Variants in GALC observed in about 807,000 individuals in gnomAD.
The protein encoded by GALC is galactosylceramidase, also known as galactocerebrosidase.
In GALC, 77 loss-of-function variants were observed where a neutral mutation model predicts 91.8. That is an observed-to-expected ratio of 0.84 (90% CI 0.70 to 1.01). The LOEUF (loss-of-function observed/expected upper bound fraction) is 1.01, where lower values mean the gene tolerates loss of function less well. Among genes scored for constraint, GALC ranks in the 50% least tolerant of loss-of-function variants. The pLI is 0.00. For synonymous variants in GALC, 357 were observed against 306.7 expected (o/e 1.16, Z -1.71); for missense variants, 882 against 855.9 (o/e 1.03, Z -0.38).
chr14:87,979,545 T>A (rs1165812954), intron 6 of GALC, among the ~76,000 whole-genome samples: 1 of 152,204 alleles, frequency 6.6e-6, no homozygotes, highest in South Asian at 2.1e-4. Flanking sequence ...TGAATTAGAA[T>A]GCACTGGAGT....
chr14:87,972,047 G>A (rs866420436), intron 7 of GALC, among the ~76,000 whole-genome samples: 41 of 152,168 alleles, frequency 2.7e-4, no homozygotes, highest in Middle Eastern at 3.4e-3. Context: ...GAATGAGGCA[G>A]GGAGGAATAG....
At chr14:87,987,004 C>T (rs1887003051) in intron 3 of GALC, 1 of 452,072 alleles carries the variant, frequency 2.2e-6, no homozygotes, top group Admixed American at 2.4e-5. Context: ...GATATGAATC[C>T]CTGGACTCGT....
chr14:87,980,429 G>A (rs1321997252), intron 6 of GALC: 6 of 767,768 alleles, frequency 7.8e-6, no homozygotes, highest in Non-Finnish European at 9.5e-6. Flanking sequence ...GCTTACTGAT[G>A]GGGGTCAGTG....
chr14:87,949,977 C>T (rs1472864071), intron 11 of GALC, 46 bp from the exon 12 acceptor site: 1 of 950,054 alleles, frequency 1.1e-6, no homozygotes, highest in East Asian at 2.4e-5. Flanking sequence ...TTCATCACAT[C>T]CTCTTTGAGG....
chr14:87,992,529 C>CA, intron 1 of GALC: 1 of 1,528,328 alleles, frequency 6.5e-7, no homozygotes, highest in Non-Finnish European at 8.7e-7. Context: ...AAGGGAGAGA[C>CA]ACAGCCAAAG....
chr14:87,955,000 A>G, intron 10 of GALC: 2 of 1,391,078 alleles, frequency 1.4e-6, no homozygotes, highest in Non-Finnish European at 2.0e-6. Context: ...CAACAGAGTG[A>G]TAGTTACTTC....
rs774769711 is a variant in GALC, at chr14:87,941,370, A to AT, written c.1834+24dup. ...TAACATAGCCCATAAGTCATATGCT[A>AT]TTAAAAAAAAAAAAAGTCAGTTACC... is the stretch of plus-strand genomic sequence containing the variant. On this transcript the variant is annotated intron_variant, in intron 15 of 16. Coordinates refer to ENST00000261304, the MANE Select transcript of GALC (RefSeq NM_000153.4). 4.0e-6 allele frequency: 5 copies of AT among 1,263,086 alleles called. No homozygotes were observed. The African/African-American group carries it at 4.5e-5, about 11-fold the overall frequency. 78.2% of individuals were successfully genotyped at this position (1,263,086 alleles called of 1,614,324 possible).
chr14:87,980,622 A>C lies in GALC; in HGVS notation c.621+1583T>G, dbSNP rs1385569284. 1.7e-5 allele frequency: 6 copies of C among 349,724 alleles called. No individual in the cohort carries two copies. The Admixed American group carries it at 3.9e-4, about 23-fold the overall frequency. 21.7% of individuals were successfully genotyped at this position (349,724 alleles called of 1,614,324 possible). On this transcript the variant is annotated intron_variant, in intron 6 of 16. Transcript: ENST00000261304. ...ATCACCTCCTCTAAAAGACTTCCCT[A>C]ATCAACCCAGGGAGAGGTGTCATCT...
chr14:87,975,562 G>A (rs1158461447), intron 7 of GALC, among the ~76,000 whole-genome samples: 1 of 152,058 alleles, frequency 6.6e-6, no homozygotes, highest in Non-Finnish European at 1.5e-5. Context: ...AAAGGAAGAG[G>A]AGTAGATAGA....
chr14:87,991,437 C>T (rs1041175037), intron 1 of GALC, among the ~76,000 whole-genome samples: 2 of 152,180 alleles, frequency 1.3e-5, no homozygotes. Context: ...CTCCTGACCT[C>T]GTGATCCGCC....
At chr14:87,953,318 C>T (rs1885387651) in intron 10 of GALC, 3 of 1,452,848 alleles carry the variant, frequency 2.1e-6, no homozygotes, top group African/African-American at 2.8e-5. Flanking sequence ...GAGACTGAAC[C>T]AAAGGCAAGT....
intron 6 of GALC, among the ~76,000 whole-genome samples, chr14:87,980,306 C>T (rs1178079369): frequency 6.6e-6 from 1 of 150,658 alleles, no homozygotes; most frequent in East Asian, 2.0e-4. Context: ...TGCTTAAATC[C>T]GGGAGGCAGA....
chr14:87,965,394 C>T, intron 9 of GALC, 111 bp downstream of exon 9: 1 of 1,216,394 alleles, frequency 8.2e-7, no homozygotes, highest in South Asian at 1.2e-5. Context: ...AAACTTAAAT[C>T]TATACTTAAA....
At chr14:87,965,694 C>T in intron 8 of GALC, 65 bp from the exon 9 acceptor site, 1 of 1,549,714 alleles carries the variant, frequency 6.5e-7, no homozygotes, top group Non-Finnish European at 8.9e-7. Context: ...TGTCTAAAAA[C>T]CTGGAGTAAA....
At chr14:87,970,262 C>T (rs1020804779) in intron 7 of GALC, among the ~76,000 whole-genome samples, 2 of 151,778 alleles carry the variant, frequency 1.3e-5, no homozygotes, top group African/African-American at 2.4e-5. Context: ...AAATATATTT[C>T]TATATTAAAG....
chr14:87,934,300 C>T lies in GALC; in HGVS notation c.*432G>A. 1 of 1,288,888 alleles carries T rather than the reference C, an allele frequency of 7.8e-7. No homozygotes were observed. 79.8% of individuals were successfully genotyped at this position (1,288,888 alleles called of 1,614,324 possible). A position where few individuals can be genotyped will look rare whatever the true frequency, so the allele number is the denominator to read the frequency against. On this transcript the variant is annotated 3_prime_UTR_variant, in exon 17 of 17. Transcript: ENST00000261304. ...CTTCAGCTTTCTATTATGGCAGCAT[C>T]ATCTTGTGATGAAGACACTGGCTCA... is the stretch of plus-strand genomic sequence containing the variant.
chr14:87,951,372 C>A (rs1166461695), intron 10 of GALC, among the ~76,000 whole-genome samples: 2 of 151,840 alleles, frequency 1.3e-5, no homozygotes, highest in Non-Finnish European at 2.9e-5. Context: ...TCAGGCTTTG[C>A]AGACCATTAA....
In GALC at chr14:87,945,299, T is replaced by C. The variant is rs149502992; in HGVS notation, c.1670+254A>G. Among the ~76,000 whole-genome samples the C allele has an allele frequency of 4.1e-3, 626 of 152,172 alleles. 2 individuals carry two copies. The highest frequency in any genetic ancestry group is 0.015 in the South Asian group (74 of 4,828). On this transcript the variant is annotated intron_variant, in intron 14 of 16. Coordinates refer to ENST00000261304, the MANE Select transcript of GALC (RefSeq NM_000153.4). Reference sequence around the variant, plus strand: ...ATTGGGTCCAAAAGTCCTTAGTTTTTATACTGGAATCAAATTGCTCCTGTA... The same window carrying C: ...ATTGGGTCCAAAAGTCCTTAGTTTTCATACTGGAATCAAATTGCTCCTGTA...
intron 12 of GALC, among the ~76,000 whole-genome samples, chr14:87,948,846 A>G (rs111796335): frequency 1.4e-3 from 216 of 152,174 alleles, no homozygotes; most frequent in African/African-American, 4.9e-3. Context: ...GTTAGTGACT[A>G]GTTGGTTATC....
Sources: gnomAD v4.1 joint callset for allele counts (sites outside exome capture counted in the v4.1 genomes callset) on GRCh38, gnomAD v4.1.1 for gene constraint, MANE v1.5 for transcripts, NCBI Gene and HGNC (gene_info 2026-07-23, HGNC 2026-07-21) for gene names.